Variants in FGGY observed in about 807,000 individuals in gnomAD.
FGGY encodes the protein FGGY carbohydrate kinase domain containing.
Under a neutral mutation model 71.3 loss-of-function variants are expected in FGGY, and 72 were observed. The ratio of observed to expected loss-of-function variants is 1.01; its 90% confidence interval spans 0.84 to 1.23. The LOEUF (loss-of-function observed/expected upper bound fraction) is 1.23. FGGY is among the 50% of genes most tolerant of loss of function. FGGY has a pLI of 0.00. For synonymous variants in FGGY, 251 were observed against 250.3 expected (o/e 1.00, Z -0.02); for missense variants, 668 against 682.3 (o/e 0.98, Z 0.23).
At chr1:59,578,426 A>C (rs530572359) in intron 8 of FGGY, among the ~76,000 whole-genome samples, 1 of 152,130 alleles carries the variant, frequency 6.6e-6, no homozygotes, top group East Asian at 1.9e-4. Context: ...GAGGAACCCC[A>C]AAACACCCAG....
At chr1:59,482,628 C>G (rs597260) in intron 6 of FGGY, among the ~76,000 whole-genome samples, 1,136 of 53,772 alleles carry the variant, frequency 0.021, 6 homozygotes, top group African/African-American at 0.04. Context: ...GTGTGTGTGT[C>G]TGTGTGTATA....
In FGGY at chr1:59,535,166, G is replaced by A. The variant is rs1054858017; in HGVS notation, c.800-18958G>A. ...ACCTAGCAAATGGAAAACAAAAAAAGGCAGGGGTTGCAATCCTAGTCTCTG... is the reference window on the plus strand; with the variant it reads ...ACCTAGCAAATGGAAAACAAAAAAAAGCAGGGGTTGCAATCCTAGTCTCTG... On this transcript the variant is annotated intron_variant, in intron 7 of 15. Coordinates refer to ENST00000303721, the MANE Select transcript of FGGY (RefSeq NM_018291.5). Among the ~76,000 whole-genome samples the A allele has an allele frequency of 2.0e-5, 3 of 151,912 alleles. No individual in the cohort carries two copies. In the East Asian group the frequency reaches 5.8e-4, roughly 29 times the overall value.
chr1:59,665,172 AC>A (rs1437093829), intron 12 of FGGY, among the ~76,000 whole-genome samples: 1 of 152,050 alleles, frequency 6.6e-6, no homozygotes, highest in African/African-American at 2.4e-5. Context: ...TTTGTATGTG[AC>A]TTTTTTTTTC....
intron 9 of FGGY, among the ~76,000 whole-genome samples, chr1:59,612,921 G>A (rs1460535718): frequency 6.6e-6 from 1 of 152,126 alleles, no homozygotes; most frequent in African/African-American, 2.4e-5. Flanking sequence ...TAATGGTAAA[G>A]GGATCAATTC....
At chr1:59,483,781 C>A (rs2093576855) in intron 6 of FGGY, among the ~76,000 whole-genome samples, 1 of 152,092 alleles carries the variant, frequency 6.6e-6, no homozygotes, top group African/African-American at 2.4e-5. Context: ...AAAGCAATTT[C>A]CTCACTGTTA....
chr1:59,483,019 G>GATTAAGAACTGGTGTTTCC (rs1341670550), intron 6 of FGGY, among the ~76,000 whole-genome samples: 4 of 152,116 alleles, frequency 2.6e-5, no homozygotes, highest in African/African-American at 9.7e-5. Context: ...TCTCTGGAGC[G>GATTAAGAACTGGTGTTTCC]ATTAAGAACT....
intron 13 of FGGY, among the ~76,000 whole-genome samples, chr1:59,671,911 A>G (rs536272867): frequency 3.2e-4 from 49 of 152,158 alleles, no homozygotes; most frequent in Admixed American, 3.1e-3. Context: ...CTGATAGGGG[A>G]TTCACCAGGT....
chr1:59,356,475 CTG>C (rs1307795956), intron 4 of FGGY, among the ~76,000 whole-genome samples: 1 of 152,188 alleles, frequency 6.6e-6, no homozygotes, highest in Non-Finnish European at 1.5e-5. Context: ...GTCCTACACT[CTG>C]TCCCCTGTGG....
intron 5 of FGGY, among the ~76,000 whole-genome samples, chr1:59,444,276 CTT>C (rs755353440): frequency 4.3e-4 from 66 of 152,204 alleles, no homozygotes; most frequent in African/African-American, 1.5e-3. Context: ...AACATTTAAA[CTT>C]TATTTTTAAT....
intron 7 of FGGY, among the ~76,000 whole-genome samples, chr1:59,540,361 ATGTTTGG>A (rs2095421261): frequency 6.6e-6 from 1 of 152,252 alleles, no homozygotes; most frequent in African/African-American, 2.4e-5. Context: ...GAATTCATCA[ATGTTTGG>A]TATATTCGTG....
chr1:59,371,779 G>T (rs1201511995), intron 4 of FGGY, among the ~76,000 whole-genome samples: 3 of 152,082 alleles, frequency 2.0e-5, no homozygotes, highest in African/African-American at 7.2e-5. Flanking sequence ...CAACTACATG[G>T]AAACTGAACA....
intron 14 of FGGY, among the ~76,000 whole-genome samples, chr1:59,709,989 C>T (rs72668004): frequency 0.033 from 4,969 of 152,260 alleles, 105 homozygotes; most frequent in Non-Finnish European, 0.051. Flanking sequence ...TCTTTCCACA[C>T]CTATGCTCAT....
chr1:59,737,187 G>A (rs141258899), intron 14 of FGGY, among the ~76,000 whole-genome samples: 2,173 of 152,374 alleles, frequency 0.014, 22 homozygotes, highest in Middle Eastern at 0.058. Flanking sequence ...ATGCCTGGAT[G>A]TCCAGGCAGA....
chr1:59,325,337 A>G (rs1392047934), intron 2 of FGGY, among the ~76,000 whole-genome samples: 1 of 150,888 alleles, frequency 6.6e-6, no homozygotes, highest in Non-Finnish European at 1.5e-5. Context: ...AGCCTGGGAG[A>G]CAGAGTGGGA....
At chr1:59,527,563 A>G (rs1467158810) in intron 7 of FGGY, among the ~76,000 whole-genome samples, 1 of 152,184 alleles carries the variant, frequency 6.6e-6, no homozygotes, top group Admixed American at 6.5e-5. Flanking sequence ...CAAACAAAAA[A>G]CATACAAAGT....
chr1:59,694,690 CTTTT>C (rs58871168), intron 14 of FGGY, among the ~76,000 whole-genome samples: 1 of 142,392 alleles, frequency 7.0e-6, no homozygotes, highest in Non-Finnish European at 1.5e-5. Context: ...AACTAGGTGT[CTTTT>C]TTTTTTTTTT....
chr1:59,501,479 C>G lies in FGGY; in HGVS notation c.671-10832C>G, dbSNP rs185633485. 5.9e-5 allele frequency among the ~76,000 whole-genome samples: 9 copies of G among 151,994 alleles called. No homozygotes were observed. The East Asian group carries it at 1.7e-3, about 29-fold the overall frequency. On this transcript the variant is annotated intron_variant, in intron 6 of 15. Transcript: ENST00000303721. ...GCTTTAAACCTTGTAATATTTTTAG[C>G]ACAATGACACCTAAAGTATTTTCAT...
At chr1:59,584,646 C>T (rs773565306) in intron 8 of FGGY, among the ~76,000 whole-genome samples, 7 of 149,854 alleles carry the variant, frequency 4.7e-5, no homozygotes, top group Admixed American at 1.3e-4. Flanking sequence ...TGCTATTCAA[C>T]GTAGTGTTGG....
At chr1:59,613,453 A>T (rs968712404) in intron 9 of FGGY, among the ~76,000 whole-genome samples, 2 of 152,218 alleles carry the variant, frequency 1.3e-5, no homozygotes, top group African/African-American at 4.8e-5. Flanking sequence ...AACCAATGAG[A>T]ACAAAGACAC....
Sources: gnomAD v4.1 joint callset for allele counts (sites outside exome capture counted in the v4.1 genomes callset) on GRCh38, gnomAD v4.1.1 for gene constraint, MANE v1.5 for transcripts, NCBI Gene and HGNC (gene_info 2026-07-23, HGNC 2026-07-21) for gene names.